OXR1: variants seen among roughly 807,000 people sequenced by gnomAD.
The protein encoded by OXR1 is oxidation resistance 1.
OXR1 carries 41 observed loss-of-function variants against 104.6 expected under a neutral mutation model. The observed-to-expected ratio is 0.39, with a 90% CI of 0.31 to 0.51. OXR1 has a LOEUF of 0.51. OXR1 is among the 20% of genes least tolerant of loss of function. The probability of loss-of-function intolerance (pLI) is 0.77; values close to 1 mark genes in which losing one functional copy is unlikely to be tolerated. For missense variants in OXR1, 955 were observed against 1,031.9 expected (o/e 0.93, Z 1.02); for synonymous variants, 348 against 348.4 (o/e 1.00, Z 0.01).
chr8:106,482,460 G>A (rs1822191685), intron 2 of OXR1, among the ~76,000 whole-genome samples: 1 of 150,308 alleles, frequency 6.7e-6, no homozygotes, highest in Non-Finnish European at 1.5e-5. Context: ...CCCCTGCAAA[G>A]CTCTGTGATG....
intron 2 of OXR1, among the ~76,000 whole-genome samples, chr8:106,465,475 T>C (rs73309267): frequency 0.062 from 9,436 of 152,054 alleles, 718 homozygotes; most frequent in African/African-American, 0.18. Context: ...TGATCAGATT[T>C]ACATGTTAAC....
At chr8:106,439,875 C>T (rs1311791753) in intron 2 of OXR1, among the ~76,000 whole-genome samples, 2 of 152,030 alleles carry the variant, frequency 1.3e-5, no homozygotes, top group Non-Finnish European at 1.5e-5. Context: ...TAATATAGTT[C>T]TAATTAGGTT....
intron 1 of OXR1, among the ~76,000 whole-genome samples, chr8:106,333,637 A>G (rs1044334956): frequency 6.6e-6 from 1 of 152,096 alleles, no homozygotes; most frequent in Admixed American, 6.5e-5. Context: ...TTTGTGATCT[A>G]TTATTAAATT....
At chr8:106,376,110 A>G (rs1816897451) in intron 2 of OXR1, among the ~76,000 whole-genome samples, 2 of 152,222 alleles carry the variant, frequency 1.3e-5, no homozygotes, top group African/African-American at 4.8e-5. Context: ...CAGTCTCTGT[A>G]TACCGACATT....
At chr8:106,532,757 A>G (rs2130251561) in intron 3 of OXR1, among the ~76,000 whole-genome samples, 1 of 152,344 alleles carries the variant, frequency 6.6e-6, no homozygotes, top group East Asian at 1.9e-4. Context: ...TAACCTTTTC[A>G]TTTAAAAAGA....
intron 2 of OXR1, among the ~76,000 whole-genome samples, chr8:106,468,597 A>C (rs1821314412): frequency 1.3e-5 from 2 of 151,818 alleles, no homozygotes; most frequent in Non-Finnish European, 2.9e-5. Context: ...ATATTAGTCA[A>C]GGGGATGGTC....
intron 2 of OXR1, among the ~76,000 whole-genome samples, chr8:106,408,883 G>A (rs974397214): frequency 1.3e-5 from 2 of 152,130 alleles, no homozygotes; most frequent in African/African-American, 4.8e-5. Flanking sequence ...CCAAAAACTG[G>A]AGCCAACACA....
intron 2 of OXR1, among the ~76,000 whole-genome samples, chr8:106,497,226 A>T (rs1023844949): frequency 6.6e-6 from 1 of 152,200 alleles, no homozygotes; most frequent in East Asian, 1.9e-4. Context: ...TGCTTGGAAG[A>T]TGATAAACTC....
intron 11 of OXR1, among the ~76,000 whole-genome samples, chr8:106,734,509 A>G (rs1351280103): frequency 6.6e-6 from 1 of 152,222 alleles, no homozygotes; most frequent in Non-Finnish European, 1.5e-5. Context: ...GATTTTTGTT[A>G]GTGTGCAAGA....
At chr8:106,553,207 TAATAA>T (rs143312498) in intron 3 of OXR1, among the ~76,000 whole-genome samples, 140 of 149,508 alleles carry the variant, frequency 9.4e-4, no homozygotes, top group African/African-American at 1.2e-3. Context: ...AGTACAGTAA[TAATAA>T]AATAAAATAA....
At chr8:106,499,941 C>T (rs139787960) in intron 2 of OXR1, among the ~76,000 whole-genome samples, 29 of 152,278 alleles carry the variant, frequency 1.9e-4, no homozygotes, top group African/African-American at 6.5e-4. Flanking sequence ...TGGCCTGTGA[C>T]GCTGAGAAGT....
At chr8:106,299,918 T>C (rs527479891) in intron 1 of OXR1, among the ~76,000 whole-genome samples, 1 of 152,330 alleles carries the variant, frequency 6.6e-6, no homozygotes, top group African/African-American at 2.4e-5. Context: ...GTAGAAAATT[T>C]CACAGAGTGC....
At chr8:106,338,709 A>C (rs1227571050) in intron 1 of OXR1, among the ~76,000 whole-genome samples, 1 of 152,128 alleles carries the variant, frequency 6.6e-6, no homozygotes, top group African/African-American at 2.4e-5. Context: ...CATGTGTCTC[A>C]AATAAAAGCC....
chr8:106,702,359 T>C (rs1256322858), intron 7 of OXR1, among the ~76,000 whole-genome samples: 3 of 152,200 alleles, frequency 2.0e-5, no homozygotes, highest in African/African-American at 7.2e-5. Context: ...TATAATCTAC[T>C]TAATTTTACA....
chr8:106,386,819 G>A (rs1306694751), intron 2 of OXR1, among the ~76,000 whole-genome samples: 2 of 152,202 alleles, frequency 1.3e-5, no homozygotes, highest in Non-Finnish European at 2.9e-5. Flanking sequence ...TAAGCATGGG[G>A]ACAGGAGCTA....
At chr8:106,376,688 A>C (rs984052319) in intron 2 of OXR1, among the ~76,000 whole-genome samples, 1 of 152,254 alleles carries the variant, frequency 6.6e-6, no homozygotes, top group Non-Finnish European at 1.5e-5. Context: ...TGATAAAATC[A>C]GAAGTGGTTA....
At chr8:106,670,328 G>A (rs540023350) in intron 3 of OXR1, among the ~76,000 whole-genome samples, 45 of 152,278 alleles carry the variant, frequency 3.0e-4, no homozygotes, top group African/African-American at 1.0e-3. Context: ...TCAGGCACTT[G>A]ACAGAAGCAA....
chr8:106,614,608 G>A (rs1821062041), intron 3 of OXR1, among the ~76,000 whole-genome samples: 2 of 152,090 alleles, frequency 1.3e-5, no homozygotes. Context: ...GATTGATTTC[G>A]TTTTACAAAA....
At chr8:106,325,855 TTACTA>T (rs1814448449) in intron 1 of OXR1, among the ~76,000 whole-genome samples, 1 of 152,244 alleles carries the variant, frequency 6.6e-6, no homozygotes, top group Non-Finnish European at 1.5e-5. Context: ...AAAATTAAGT[TTACTA>T]TAAGGTAAAA....
Sources: allele counts gnomAD v4.1 joint callset (sites outside exome capture counted in the v4.1 genomes callset), GRCh38; gene constraint gnomAD v4.1.1; transcripts MANE v1.5; gene names NCBI Gene and HGNC (gene_info 2026-07-23, HGNC 2026-07-21).